The following GVQW3 variants were observed in gnomAD, a reference collection of about 807,000 sequenced individuals.
GVQW3 encodes GVQW motif containing 3.
In GVQW3, 7 loss-of-function variants were observed where a neutral mutation model predicts 12.5. The ratio of observed to expected loss-of-function variants is 0.56; its 90% confidence interval spans 0.32 to 1.05. The LOEUF (loss-of-function observed/expected upper bound fraction) is 1.05, where lower values mean the gene tolerates loss of function less well. Ranked by LOEUF, GVQW3 falls within the 50% of genes least tolerant of loss-of-function variation. The pLI, the probability that GVQW3 is intolerant of heterozygous loss-of-function variation, is 0.04. For synonymous variants in GVQW3, 71 were observed against 67.2 expected, an observed-to-expected ratio of 1.06 and a Z score of -0.28; for missense variants, 188 against 190.8, an observed-to-expected ratio of 0.99 and a Z score of 0.09.
At chr11:76,398,035 T>G (rs1946955176) in intron 1 of GVQW3, among the ~76,000 whole-genome samples, 1 of 150,324 alleles carries the variant, frequency 6.7e-6, no homozygotes, top group Non-Finnish European at 1.5e-5. Context: ...CTCGGGAGGC[T>G]GAGGTACGAG....
intron 1 of GVQW3, among the ~76,000 whole-genome samples, chr11:76,398,555 C>T (rs999795580): frequency 3.9e-5 from 6 of 152,064 alleles, no homozygotes; most frequent in African/African-American, 1.2e-4. Context: ...TCAGGTGATC[C>T]GCCTGCCATG....
intron 1 of GVQW3, among the ~76,000 whole-genome samples, chr11:76,385,926 A>G (rs572390986): frequency 6.6e-6 from 1 of 152,286 alleles, no homozygotes; most frequent in Admixed American, 6.5e-5. Context: ...TATAACATCC[A>G]AAGCCCATTC....
At chr11:76,390,549 T>C (rs908070994) in intron 1 of GVQW3, among the ~76,000 whole-genome samples, 3 of 152,158 alleles carry the variant, frequency 2.0e-5, no homozygotes, top group African/African-American at 7.2e-5. Context: ...TAAGATAAAT[T>C]AGTAGGCTGG....
At chr11:76,397,532 A>G (rs1370775439) in intron 1 of GVQW3, among the ~76,000 whole-genome samples, 1 of 152,188 alleles carries the variant, frequency 6.6e-6, no homozygotes, top group Non-Finnish European at 1.5e-5. Flanking sequence ...ATTCACTGGT[A>G]TGCTGGTAAA....
downstream of GVQW3, among the ~76,000 whole-genome samples, chr11:76,409,270 C>T (rs1173992170): frequency 5.9e-5 from 9 of 152,032 alleles, no homozygotes; most frequent in Middle Eastern, 3.2e-3. Flanking sequence ...CAGGCTCTCA[C>T]GGACCTGTCA....
intron 1 of GVQW3, among the ~76,000 whole-genome samples, chr11:76,399,738 G>C (rs570081695): frequency 6.6e-6 from 1 of 152,314 alleles, no homozygotes; most frequent in African/African-American, 2.4e-5. Flanking sequence ...CTCCTGCCTG[G>C]CTGCTGGGAC....
intron 1 of GVQW3, among the ~76,000 whole-genome samples, chr11:76,396,404 T>A (rs1946939929): frequency 6.6e-6 from 1 of 152,006 alleles, no homozygotes; most frequent in Admixed American, 6.6e-5. Flanking sequence ...AAACTACGCT[T>A]CCCGGGCTCA....
intron 1 of GVQW3, among the ~76,000 whole-genome samples, chr11:76,384,512 G>A (rs977404580): frequency 6.6e-6 from 1 of 152,044 alleles, no homozygotes; most frequent in African/African-American, 2.4e-5. Context: ...TAGTAGAGGC[G>A]GGGTTTCACC....
Position 76,405,233 on chromosome 11 carries a change from C to G in GVQW3, c.*1475C>G, listed in dbSNP as rs1312293212. 1 of 152,172 alleles carries G rather than the reference C, an allele frequency of 6.6e-6. No individual in the cohort carries two copies. Among genetic ancestry groups the G allele is most frequent in the Admixed American group, 6.5e-5 (1 of 15,268 alleles). The allele number at this position is 152,172 out of a possible 1,614,324, so 9.4% of individuals were successfully genotyped here. ...CAAAAGCTCTCCCAGTAACTCCCAG[C>G]AGAGTTCTACTAAATCTCATTGGCC... On this transcript the variant is annotated 3_prime_UTR_variant, in exon 2 of 2. Coordinates refer to ENST00000529331, the MANE Select transcript of GVQW3 (RefSeq NM_001347885.2).
At chr11:76,394,815 A>T (rs141779175) in intron 1 of GVQW3, among the ~76,000 whole-genome samples, 1,635 of 152,304 alleles carry the variant, frequency 0.011, 30 homozygotes, top group African/African-American at 0.038. Flanking sequence ...TCAACAGTGT[A>T]TGAGGGTTCC....
intron 1 of GVQW3, among the ~76,000 whole-genome samples, chr11:76,386,256 T>C (rs1321525654): frequency 6.6e-6 from 1 of 152,218 alleles, no homozygotes; most frequent in Non-Finnish European, 1.5e-5. Context: ...CCTTGCTTCA[T>C]TTGCCCCACT....
At chr11:76,401,948 A>C (rs959200134) in intron 1 of GVQW3, among the ~76,000 whole-genome samples, 1 of 152,120 alleles carries the variant, frequency 6.6e-6, no homozygotes, top group Non-Finnish European at 1.5e-5. Flanking sequence ...TTCAAAGATC[A>C]ATCTTTCTTG....
At chr11:76,408,490 G>C (rs1246971358), downstream of GVQW3, 1 of 152,166 alleles carries the variant, frequency 6.6e-6, no homozygotes, top group Non-Finnish European at 1.5e-5. Context: ...AGGATCCCTG[G>C]GACAGGAAGC....
Position 76,381,349 on chromosome 11 carries a change from G to C in GVQW3, c.-480G>C. On this transcript the variant is annotated 5_prime_UTR_variant, in exon 1 of 2. An upstream open reading frame in the 5' UTR loses its in-frame stop. Transcript: ENST00000529331. ...TGCGCGCCTGTCTCCCGGGACGCTA[G>C]AGCAGGCGGTTCCTGGGCTGCTCCG... 1 of 153,920 alleles carries C rather than the reference G, an allele frequency of 6.5e-6. No individual in the cohort carries two copies. Among genetic ancestry groups the C allele is most frequent in the East Asian group, 1.9e-4 (1 of 5,216 alleles). 9.5% of individuals were successfully genotyped at this position (153,920 alleles called of 1,614,324 possible).
intron 1 of GVQW3, 61 bp downstream of exon 1, chr11:76,382,354 C>T: frequency 9.3e-7 from 1 of 1,070,820 alleles, no homozygotes; most frequent in South Asian, 1.3e-5. Flanking sequence ...AATGCCCCTG[C>T]CGGTATCCCA....
downstream of GVQW3, chr11:76,411,556 G>A (rs1590829066): frequency 2.0e-5 from 3 of 152,198 alleles, no homozygotes; most frequent in Admixed American, 2.0e-4. Context: ...TATGTATGAG[G>A]GTAACAACTG....
chr11:76,387,024 A>G (rs889466904), intron 1 of GVQW3, among the ~76,000 whole-genome samples: 1 of 152,234 alleles, frequency 6.6e-6, no homozygotes. Flanking sequence ...AGACATAGTT[A>G]ATATAGAAAC....
intron 1 of GVQW3, among the ~76,000 whole-genome samples, chr11:76,390,699 C>T (rs1353973688): frequency 6.6e-6 from 1 of 152,076 alleles, no homozygotes; most frequent in Non-Finnish European, 1.5e-5. Flanking sequence ...CGGTGGCGGG[C>T]GCCTGTAGTC....
chr11:76,398,233 G>C (rs1286689148), intron 1 of GVQW3, among the ~76,000 whole-genome samples: 1 of 152,058 alleles, frequency 6.6e-6, no homozygotes, highest in Non-Finnish European at 1.5e-5. Flanking sequence ...GGGCTGATCA[G>C]AGCTAGCTTT....
Sources: allele counts gnomAD v4.1 joint callset (sites outside exome capture counted in the v4.1 genomes callset), GRCh38; gene constraint gnomAD v4.1.1; transcripts MANE v1.5; gene names NCBI Gene and HGNC (gene_info 2026-07-23, HGNC 2026-07-21).